HPSE: variants seen among roughly 807,000 people sequenced by gnomAD.
HPSE encodes heparanase, also known as endo-glucoronidase.
HPSE carries 48 observed loss-of-function variants against 65.1 expected under a neutral mutation model. The ratio of observed to expected loss-of-function variants is 0.74; its 90% CI spans 0.58 to 0.94. The LOEUF (loss-of-function observed/expected upper bound fraction) is 0.94, where lower values mean the gene tolerates loss of function less well. Among genes scored for constraint, HPSE ranks in the 40% least tolerant of loss-of-function variants. The pLI is 0.00. For missense variants in HPSE, 644 were observed against 637.5 expected (o/e 1.01, Z -0.11); for synonymous variants, 243 against 260.0 (o/e 0.93, Z 0.63).
chr4:83,303,738 T>C (rs1388791227), intron 9 of HPSE, among the ~76,000 whole-genome samples: 1 of 151,964 alleles, frequency 6.6e-6, no homozygotes, highest in Non-Finnish European at 1.5e-5. Context: ...TTTGTTGCCG[T>C]AGCTGGTCTT....
At chr4:83,301,939 G>A (rs1009488170) in intron 10 of HPSE, among the ~76,000 whole-genome samples, 8 of 152,092 alleles carry the variant, frequency 5.3e-5, no homozygotes, top group Non-Finnish European at 1.0e-4. Context: ...CCTGGGTGAC[G>A]AGCGAGGCCC....
At chr4:83,323,452 A>G (rs923861853) in intron 1 of HPSE, among the ~76,000 whole-genome samples, 4 of 152,008 alleles carry the variant, frequency 2.6e-5, no homozygotes, top group Non-Finnish European at 5.9e-5. Context: ...CTGTCCTTGC[A>G]TTCAATTTTG....
intron 8 of HPSE, among the ~76,000 whole-genome samples, chr4:83,307,685 C>T (rs1736194138): frequency 6.6e-6 from 1 of 152,202 alleles, no homozygotes; most frequent in Non-Finnish European, 1.5e-5. Context: ...TCCCCCTTCT[C>T]CCCGACACCC....
At chr4:83,331,450 C>A (rs142615564) in intron 1 of HPSE, among the ~76,000 whole-genome samples, 3,094 of 152,224 alleles carry the variant, frequency 0.02, 58 homozygotes, top group Non-Finnish European at 0.03. Flanking sequence ...TATGACCTTG[C>A]ATATGAGGCC....
chr4:83,318,550 G>C (rs1736746878), intron 3 of HPSE, among the ~76,000 whole-genome samples: 1 of 151,988 alleles, frequency 6.6e-6, no homozygotes, highest in Non-Finnish European at 1.5e-5. Flanking sequence ...ATGATCGGGG[G>C]TAATACCTTT....
At chr4:83,307,129 T>C (rs115507273) in intron 8 of HPSE, among the ~76,000 whole-genome samples, 1 of 152,322 alleles carries the variant, frequency 6.6e-6, no homozygotes, top group African/African-American at 2.4e-5. Context: ...GCTCTGATCC[T>C]CGAATGTTCG....
chr4:83,334,445 G>A, intron 1 of HPSE, 111 bp downstream of exon 1: 1 of 1,220,758 alleles, frequency 8.2e-7, no homozygotes, highest in South Asian at 1.5e-5. Context: ...GACAGGCGGG[G>A]AGGTTCCGGT....
chr4:83,320,738 T>C (rs1317022113), intron 2 of HPSE, among the ~76,000 whole-genome samples: 3 of 152,136 alleles, frequency 2.0e-5, no homozygotes, highest in Non-Finnish European at 4.4e-5. Context: ...GCCTCATCCA[T>C]CCCTGGGCTC....
intron 2 of HPSE, 60 bp downstream of exon 2, chr4:83,322,159 G>A: frequency 7.0e-7 from 1 of 1,428,290 alleles, no homozygotes; most frequent in South Asian, 1.2e-5. Flanking sequence ...TTTTCTCAAA[G>A]CATTCTCATG....
At chr4:83,310,520 A>T (rs6852183) in intron 5 of HPSE, among the ~76,000 whole-genome samples, 1 of 152,024 alleles carries the variant, frequency 6.6e-6, no homozygotes, top group Non-Finnish European at 1.5e-5. Flanking sequence ...AAATTTTTTT[A>T]AAGTAGCCAG....
At chr4:83,311,723 A>C (rs941257428) in intron 4 of HPSE, among the ~76,000 whole-genome samples, 4 of 148,296 alleles carry the variant, frequency 2.7e-5, no homozygotes, top group Non-Finnish European at 4.4e-5. Context: ...TGGAGGTTAC[A>C]TTGAGCTATG....
At chr4:83,297,043 A>G (rs1006496935) in intron 11 of HPSE, among the ~76,000 whole-genome samples, 12 of 152,188 alleles carry the variant, frequency 7.9e-5, no homozygotes, top group Non-Finnish European at 2.9e-5. Flanking sequence ...AGTCATTGTA[A>G]CATTGTAGCA....
intron 1 of HPSE, among the ~76,000 whole-genome samples, chr4:83,325,139 GTGTGTGT>G (rs1218263279): frequency 4.6e-4 from 33 of 71,744 alleles, no homozygotes; most frequent in African/African-American, 3.3e-3. Flanking sequence ...TGGTGTGTGT[GTGTGTGT>G]GTGTGTGTGT....
chr4:83,309,863 A>AT (rs903172486), intron 6 of HPSE, among the ~76,000 whole-genome samples, 168 bp downstream of exon 6: 4 of 152,088 alleles, frequency 2.6e-5, no homozygotes, highest in East Asian at 3.8e-4. Context: ...ATAACTTTAA[A>AT]TTTTTTTTAT....
chr4:83,327,525 C>G (rs1737199666), intron 1 of HPSE, among the ~76,000 whole-genome samples: 1 of 152,118 alleles, frequency 6.6e-6, no homozygotes, highest in South Asian at 2.1e-4. Context: ...CCCACCACCA[C>G]AGTGACATGG....
chr4:83,324,375 G>A (rs1446086528), intron 1 of HPSE, among the ~76,000 whole-genome samples: 3 of 152,006 alleles, frequency 2.0e-5, no homozygotes, highest in Admixed American at 6.6e-5. Flanking sequence ...AATTAAATAT[G>A]TATAATGCTA....
intron 8 of HPSE, among the ~76,000 whole-genome samples, chr4:83,308,534 A>G (rs1407583917): frequency 1.3e-5 from 2 of 152,232 alleles, no homozygotes; most frequent in African/African-American, 4.8e-5. Flanking sequence ...GGGAACTACC[A>G]TATCCGGCTA....
At chr4:83,308,252 A>G (rs1736220400) in intron 8 of HPSE, among the ~76,000 whole-genome samples, 1 of 152,172 alleles carries the variant, frequency 6.6e-6, no homozygotes, top group African/African-American at 2.4e-5. Flanking sequence ...TACTAAAAAT[A>G]CAAAAATTAG....
intron 10 of HPSE, among the ~76,000 whole-genome samples, chr4:83,301,942 C>T (rs1020921659): frequency 7.9e-5 from 12 of 151,968 alleles, no homozygotes; most frequent in Non-Finnish European, 1.3e-4. Flanking sequence ...GGGTGACGAG[C>T]GAGGCCCCGT....
Sources: gnomAD v4.1 joint callset for allele counts (sites outside exome capture counted in the v4.1 genomes callset) on GRCh38, gnomAD v4.1.1 for gene constraint, MANE v1.5 for transcripts, NCBI Gene and HGNC (gene_info 2026-07-23, HGNC 2026-07-21) for gene names.